PPP1R42: variants seen among roughly 807,000 people sequenced by gnomAD.
The protein encoded by PPP1R42 is leucine rich repeat containing 67.
A neutral mutation model predicts 31.0 loss-of-function variants in PPP1R42; 34 were observed. That is an observed-to-expected ratio of 1.10 (90% confidence interval 0.83 to 1.46). The LOEUF (loss-of-function observed/expected upper bound fraction) is 1.46, where lower values mean the gene tolerates loss of function less well. Ranked by LOEUF, PPP1R42 falls within the 40% of genes most tolerant of loss-of-function variation. The pLI is 0.00. For missense variants in PPP1R42, 268 were observed against 303.0 expected (o/e 0.88, Z 0.86); for synonymous variants, 103 against 109.8 (o/e 0.94, Z 0.39).
At chr8:66,985,283 C>G (rs1169010445) in intron 6 of PPP1R42, 2 of 926,560 alleles carry the variant, frequency 2.2e-6, no homozygotes, top group African/African-American at 1.7e-5. Context: ...ACAGTGGAGA[C>G]TCGGGGTCAA....
intron 1 of PPP1R42, among the ~76,000 whole-genome samples, chr8:67,026,119 T>C (rs901216255): frequency 3.9e-5 from 6 of 151,910 alleles, no homozygotes; most frequent in Admixed American, 3.9e-4. Context: ...GTGGATCACC[T>C]GAGGTCAGGA....
chr8:67,005,854 TAA>T (rs575487311), intron 5 of PPP1R42, among the ~76,000 whole-genome samples: 12 of 151,950 alleles, frequency 7.9e-5, no homozygotes, highest in African/African-American at 2.7e-4. Context: ...TTTTTTTTTT[TAA>T]AAATCCTTCA....
chr8:67,024,320 A>ATGTG (rs1585693170), intron 1 of PPP1R42, among the ~76,000 whole-genome samples: 1 of 151,818 alleles, frequency 6.6e-6, no homozygotes, highest in Admixed American at 6.6e-5. Context: ...TTCTTTTTGT[A>ATGTG]TGTGTGTGTG....
intron 1 of PPP1R42, among the ~76,000 whole-genome samples, chr8:67,018,660 G>C (rs1211485302): frequency 7.0e-6 from 1 of 142,902 alleles, no homozygotes; most frequent in Non-Finnish European, 1.5e-5. Flanking sequence ...TTACAGGCAT[G>C]TGCCACTATA....
At chr8:66,998,256 C>T (rs935355413) in intron 5 of PPP1R42, among the ~76,000 whole-genome samples, 5 of 152,120 alleles carry the variant, frequency 3.3e-5, no homozygotes, top group East Asian at 1.9e-4. Context: ...TTTTATTGTA[C>T]AGCTCTTGCA....
chr8:66,970,809 G>C, intron 7 of PPP1R42: 2 of 636,170 alleles, frequency 3.1e-6, no homozygotes, highest in Non-Finnish European at 5.8e-6. Flanking sequence ...CTGAGTGTTT[G>C]GGCAGACCAA....
In PPP1R42 at chr8:66,988,371, T is replaced by C. The variant is rs1392653735; in HGVS notation, c.670+29A>G. 3.0e-6 allele frequency: 4 copies of C among 1,352,992 alleles called. No homozygotes were observed. The East Asian group carries it at 1.2e-4, about 39-fold the overall frequency. The allele number at this position is 1,352,992 out of a possible 1,614,324, so 83.8% of individuals were successfully genotyped here. A position where few individuals can be genotyped will look rare whatever the true frequency, so the allele number is the denominator to read the frequency against. Reference sequence around the variant, plus strand: ...AAAAAGTTAACTAGGTGTCATTCTCTTAAAAATTATATTAATATAAATATG... The same window carrying C: ...AAAAAGTTAACTAGGTGTCATTCTCCTAAAAATTATATTAATATAAATATG... On this transcript the variant is annotated intron_variant, in intron 6 of 7. Coordinates refer to ENST00000685739, the MANE Select transcript of PPP1R42 (RefSeq NM_001364910.1).
At chr8:67,006,804 T>C (rs1263496589) in intron 5 of PPP1R42, among the ~76,000 whole-genome samples, 2 of 140,784 alleles carry the variant, frequency 1.4e-5, no homozygotes, top group Non-Finnish European at 3.0e-5. Flanking sequence ...TGGAATGCAG[T>C]GGTGCGATCT....
chr8:66,985,398 G>A, intron 6 of PPP1R42: 2 of 745,020 alleles, frequency 2.7e-6, no homozygotes, highest in Non-Finnish European at 4.8e-6. Flanking sequence ...GAGTAGACAT[G>A]CAGTGTGTCA....
At chr8:67,015,628 T>C (rs1423088738) in intron 2 of PPP1R42, among the ~76,000 whole-genome samples, 1 of 151,300 alleles carries the variant, frequency 6.6e-6, no homozygotes, top group Non-Finnish European at 1.5e-5. Flanking sequence ...AAACAGGGTC[T>C]GCCCAGGCTG....
chr8:66,987,971 A>G (rs577762130), intron 6 of PPP1R42, among the ~76,000 whole-genome samples: 1 of 152,284 alleles, frequency 6.6e-6, no homozygotes, highest in Non-Finnish European at 1.5e-5. Flanking sequence ...TATCAAACGA[A>G]AGGGATTCCT....
At chr8:66,968,012 A>G (rs1001931034) in intron 7 of PPP1R42, among the ~76,000 whole-genome samples, 5 of 152,218 alleles carry the variant, frequency 3.3e-5, no homozygotes, top group Non-Finnish European at 7.3e-5. Flanking sequence ...AACATCTGTC[A>G]GAAGTATTTA....
At chr8:67,003,705 C>G (rs1271134235) in intron 5 of PPP1R42, among the ~76,000 whole-genome samples, 1 of 152,136 alleles carries the variant, frequency 6.6e-6, no homozygotes. Context: ...ATGTGTCCCC[C>G]AAAGTTCATA....
intron 4 of PPP1R42, among the ~76,000 whole-genome samples, 170 bp from the exon 5 acceptor site, chr8:67,011,001 A>G (rs1247062360): frequency 6.6e-6 from 1 of 152,062 alleles, no homozygotes; most frequent in Non-Finnish European, 1.5e-5. Context: ...TTTTTTTCAG[A>G]TGAAAGTTTT....
intron 5 of PPP1R42, among the ~76,000 whole-genome samples, chr8:66,988,755 C>T (rs1815102573): frequency 6.6e-6 from 1 of 152,164 alleles, no homozygotes; most frequent in Non-Finnish European, 1.5e-5. Context: ...CAACTGTTCT[C>T]TGTCATACTC....
chr8:67,017,392 G>A (rs1816046321), intron 2 of PPP1R42, among the ~76,000 whole-genome samples: 2 of 152,098 alleles, frequency 1.3e-5, no homozygotes, highest in Admixed American at 1.3e-4. Flanking sequence ...TACTCGGTAG[G>A]CTGAGGTACA....
At chr8:66,988,368 C>A (rs1374804062) in intron 6 of PPP1R42, 32 bp downstream of exon 6, 6 of 1,340,796 alleles carry the variant, frequency 4.5e-6, no homozygotes, top group Non-Finnish European at 4.8e-6. Flanking sequence ...AGGTGTCATT[C>A]TCTTAAAAAT....
chr8:66,965,768 A>T (rs1035319632), intron 7 of PPP1R42, among the ~76,000 whole-genome samples: 15 of 152,106 alleles, frequency 9.9e-5, no homozygotes, highest in Non-Finnish European at 1.8e-4. Flanking sequence ...AAAAAAATTT[A>T]AAAAATTAGA....
At chr8:66,975,997 T>C (rs1220611672) in intron 7 of PPP1R42, among the ~76,000 whole-genome samples, 1 of 152,212 alleles carries the variant, frequency 6.6e-6, no homozygotes, top group Non-Finnish European at 1.5e-5. Flanking sequence ...CTGGGCCGCA[T>C]AGCAGAAGGT....
Sources: gnomAD v4.1 joint callset for allele counts (sites outside exome capture counted in the v4.1 genomes callset) on GRCh38, gnomAD v4.1.1 for gene constraint, MANE v1.5 for transcripts, NCBI Gene and HGNC (gene_info 2026-07-23, HGNC 2026-07-21) for gene names.